Variants in ASIC2 observed in about 807,000 individuals in gnomAD.
ASIC2 encodes the protein acid-sensing ion channel 2.
Under a neutral mutation model 57.3 loss-of-function variants are expected in ASIC2, and 25 were observed. The ratio of observed to expected loss-of-function variants is 0.44; its 90% CI spans 0.32 to 0.61. The LOEUF is 0.61. Ranked by LOEUF, ASIC2 falls within the 20% of genes least tolerant of loss-of-function variation. ASIC2 has a pLI of 0.06. For synonymous variants in ASIC2, 319 were observed against 307.5 expected (o/e 1.04, Z -0.39); for missense variants, 641 against 738.1 (o/e 0.87, Z 1.52).
chr17:33,604,899 C>G (rs1905191122), intron 1 of ASIC2, among the ~76,000 whole-genome samples: 1 of 152,150 alleles, frequency 6.6e-6, no homozygotes, highest in Non-Finnish European at 1.5e-5. Context: ...TAGGATGTTT[C>G]CAAAGTCACA....
chr17:33,255,814 T>C (rs565634911), intron 1 of ASIC2, among the ~76,000 whole-genome samples: 22 of 152,346 alleles, frequency 1.4e-4, no homozygotes, highest in African/African-American at 4.8e-4. Context: ...CTTGATTTTC[T>C]GGATGCTTCA....
chr17:34,072,820 T>G (rs995681416), intron 1 of ASIC2, among the ~76,000 whole-genome samples: 6 of 152,218 alleles, frequency 3.9e-5, no homozygotes, highest in African/African-American at 1.4e-4. Context: ...TACACCATAA[T>G]TTATTTGGTC....
At chr17:33,918,987 T>C (rs1350765861) in intron 1 of ASIC2, among the ~76,000 whole-genome samples, 2 of 152,190 alleles carry the variant, frequency 1.3e-5, no homozygotes, top group Non-Finnish European at 1.5e-5. Context: ...CTATCTCTCC[T>C]GCTTTGTGAT....
At chr17:33,163,806 A>C (rs1256660435) in intron 1 of ASIC2, among the ~76,000 whole-genome samples, 1 of 152,206 alleles carries the variant, frequency 6.6e-6, no homozygotes, top group Non-Finnish European at 1.5e-5. Flanking sequence ...GATGGGGACC[A>C]GGAAATGGCA....
At chr17:33,903,385 T>A (rs1386799481) in intron 1 of ASIC2, among the ~76,000 whole-genome samples, 1 of 152,226 alleles carries the variant, frequency 6.6e-6, no homozygotes, top group East Asian at 1.9e-4. Flanking sequence ...TTTTCCAAAA[T>A]GTGTTTTATA....
At chr17:33,994,620 G>A (rs555220706) in intron 1 of ASIC2, among the ~76,000 whole-genome samples, 2 of 152,130 alleles carry the variant, frequency 1.3e-5, no homozygotes, top group South Asian at 2.1e-4. Context: ...AGCAACGTGC[G>A]AAGTTAGCTG....
intron 1 of ASIC2, among the ~76,000 whole-genome samples, chr17:33,375,260 C>G (rs1368589807): frequency 6.6e-6 from 1 of 151,950 alleles, no homozygotes; most frequent in African/African-American, 2.4e-5. Flanking sequence ...CTGAAAGAAA[C>G]AAGGAAGTGA....
At chr17:33,974,606 A>ATCCG in intron 1 of ASIC2, among the ~76,000 whole-genome samples, 1 of 8,128 alleles carries the variant, frequency 1.2e-4, no homozygotes, top group Non-Finnish European at 3.2e-4. Context: ...GAACCTATCT[A>ATCCG]TCCATCCATC....
In ASIC2 at chr17:33,187,980, A is replaced by G. The variant is rs144175577; in HGVS notation, c.709-75913T>C. 3.9e-3 allele frequency among the ~76,000 whole-genome samples: 595 copies of G among 152,146 alleles called. 4 individuals carry two copies. The highest frequency in any genetic ancestry group is 0.014 in the African/African-American group (565 of 41,556). ...AACTATGACCTGCAATGAGGGAAAAAAATCAATCCACAGAAATAGACATCG... is the reference window on the plus strand; with the variant it reads ...AACTATGACCTGCAATGAGGGAAAAGAATCAATCCACAGAAATAGACATCG... On this transcript the variant is annotated intron_variant, in intron 1 of 9. Coordinates refer to ENST00000225823, the MANE Select transcript of ASIC2 (RefSeq NM_183377.2).
intron 1 of ASIC2, among the ~76,000 whole-genome samples, chr17:33,187,575 G>A (rs1906246232): frequency 6.6e-6 from 1 of 152,074 alleles, no homozygotes; most frequent in African/African-American, 2.4e-5. Context: ...ACAACTACCT[G>A]CACCTAATAG....
intron 1 of ASIC2, among the ~76,000 whole-genome samples, chr17:33,556,015 G>T (rs944240694): frequency 6.6e-6 from 1 of 152,160 alleles, no homozygotes; most frequent in Admixed American, 6.5e-5. Context: ...TCTTGGAAAA[G>T]ATACTTATTT....
At chr17:33,132,283 G>A (rs1269341242) in intron 1 of ASIC2, among the ~76,000 whole-genome samples, 1 of 152,178 alleles carries the variant, frequency 6.6e-6, no homozygotes, top group African/African-American at 2.4e-5. Context: ...CCCCAAACTG[G>A]GTAGTTAGTG....
chr17:33,622,458 A>C (rs1219689006), intron 1 of ASIC2, among the ~76,000 whole-genome samples: 2 of 152,184 alleles, frequency 1.3e-5, no homozygotes, highest in African/African-American at 4.8e-5. Flanking sequence ...TGAGTGCAAA[A>C]TATGGCTAAA....
Position 33,657,185 on chromosome 17 carries a change from C to T in ASIC2, c.555+498793G>A, listed in dbSNP as rs185524025. 2.7e-4 allele frequency among the ~76,000 whole-genome samples: 41 copies of T among 152,312 alleles called. 1 individual carries two copies. The highest frequency in any genetic ancestry group is 9.4e-4 in the African/African-American group (39 of 41,578). On this transcript the variant is annotated intron_variant, in intron 1 of 9. Transcript: ENST00000359872. ...TACGAACGACACTTGCTGGGAATCC[C>T]TACTGGGCACACACAACCCAGTCTA...
At chr17:33,243,586 A>G (rs1908586343) in intron 1 of ASIC2, among the ~76,000 whole-genome samples, 1 of 152,104 alleles carries the variant, frequency 6.6e-6, no homozygotes, top group Admixed American at 6.5e-5. Flanking sequence ...CGCCATCAGT[A>G]ATTGTGTGTG....
chr17:33,999,773 T>G (rs1376067684), intron 1 of ASIC2, among the ~76,000 whole-genome samples: 3 of 152,178 alleles, frequency 2.0e-5, no homozygotes, highest in Non-Finnish European at 4.4e-5. Context: ...AACTTTTATA[T>G]TAGTGTTAAA....
At chr17:33,614,009 G>A (rs1905513812) in intron 1 of ASIC2, among the ~76,000 whole-genome samples, 1 of 152,158 alleles carries the variant, frequency 6.6e-6, no homozygotes, top group Non-Finnish European at 1.5e-5. Flanking sequence ...TGAATGGGAT[G>A]CATTTGATAA....
chr17:33,784,109 T>TA (rs1911537002), intron 1 of ASIC2, among the ~76,000 whole-genome samples: 1 of 152,206 alleles, frequency 6.6e-6, no homozygotes, highest in African/African-American at 2.4e-5. Context: ...TTGAGCACTC[T>TA]AAGTGCTGTG....
intron 1 of ASIC2, among the ~76,000 whole-genome samples, chr17:33,848,633 C>T (rs1454779315): frequency 6.6e-6 from 1 of 152,138 alleles, no homozygotes; most frequent in Admixed American, 6.5e-5. Context: ...AAAATAACAA[C>T]GTCAGCACTT....
Sources: gnomAD v4.1 joint callset for allele counts (sites outside exome capture counted in the v4.1 genomes callset) on GRCh38, gnomAD v4.1.1 for gene constraint, MANE v1.5 for transcripts, NCBI Gene and HGNC (gene_info 2026-07-23, HGNC 2026-07-21) for gene names.